The following DVL1 variants were observed in gnomAD, a reference collection of about 807,000 sequenced individuals.
DVL1 encodes segment polarity protein dishevelled homolog DVL-1.
DVL1 carries 49 observed loss-of-function variants against 65.0 expected under a neutral mutation model. That is an observed-to-expected ratio of 0.75 (90% CI 0.60 to 0.96). DVL1 has a LOEUF of 0.96. Among genes scored for constraint, DVL1 ranks in the 40% least tolerant of loss-of-function variants. The pLI, the probability that DVL1 is intolerant of heterozygous loss-of-function variation, is 0.00. For missense variants in DVL1, 1,197 were observed against 1,045.4 expected (o/e 1.15, Z -2.00); for synonymous variants, 608 against 433.9 (o/e 1.40, Z -4.99).
chr1:1,338,491 G>A, intron 12 of DVL1, 31 bp downstream of exon 12: 2 of 1,611,264 alleles, frequency 1.2e-6, no homozygotes, highest in Non-Finnish European at 1.7e-6. Flanking sequence ...CCTGCCCCTG[G>A]CACTATCCGC....
intron 14 of DVL1, chr1:1,336,890 C>G (rs773178645): frequency 2.7e-5 from 19 of 697,702 alleles, no homozygotes; most frequent in Non-Finnish European, 2.9e-5. Flanking sequence ...ACTGTCCCCC[C>G]GGCCCAGGAC....
rs960455362 is a variant in DVL1 at position 1,341,650 on chromosome 1, C to A, written c.605+17G>T. The stretch of plus-strand genomic sequence containing the variant: ...GTGGGCACACAGGCATACACGCCCA[C>A]AGACACTCCCACACACCTGCTCGTG... On this transcript the variant is annotated intron_variant, in intron 5 of 14. Transcript: ENST00000378888. The A allele has an allele frequency of 6.3e-7, 1 of 1,587,916 alleles. No individual in the cohort carries two copies. Among genetic ancestry groups the A allele is most frequent in the African/African-American group, 1.3e-5 (1 of 74,640 alleles).
chr1:1,340,909 A>G (rs1643784644), intron 5 of DVL1, among the ~76,000 whole-genome samples: 2 of 148,506 alleles, frequency 1.3e-5, no homozygotes, highest in African/African-American at 5.0e-5. Flanking sequence ...ACGCATGAAC[A>G]CACGCACACC....
At chr1:1,347,994 A>C (rs768388595) in intron 1 of DVL1, among the ~76,000 whole-genome samples, 5 of 152,150 alleles carry the variant, frequency 3.3e-5, no homozygotes, top group Non-Finnish European at 7.4e-5. Context: ...AAACAACCTT[A>C]ATGTCACAAT....
intron 5 of DVL1, among the ~76,000 whole-genome samples, chr1:1,340,916 C>T (rs1220232960): frequency 1.3e-5 from 2 of 150,590 alleles, no homozygotes; most frequent in Admixed American, 6.6e-5. Context: ...AACACACGCA[C>T]ACCTGCACAC....
chr1:1,340,510 A>C lies in DVL1; in HGVS notation c.606-7T>G. 1 of 1,595,476 alleles carries C rather than the reference A, an allele frequency of 6.3e-7. No homozygotes were observed. The highest frequency in any genetic ancestry group is 8.5e-7 in the Non-Finnish European group (1 of 1,171,148). The stretch of plus-strand genomic sequence containing the variant: ...CTCCGTGGAGCTGCTGAGCCTGGGA[A>C]CAGACTGTCAGAGCTCAGAGGAGCT... On this transcript the variant is annotated splice_region_variant and splice_polypyrimidine_tract_variant and intron_variant, in intron 5 of 14. Transcript: ENST00000378888.
In DVL1 at chr1:1,339,753, C is replaced by T. The variant is rs1643720448; in HGVS notation, c.969G>A (p.Glu323=). Residue 323 remains glutamate, a synonymous_variant, in exon 9 of 15, where the codon GAG becomes GAA. Transcript: ENST00000378888. ...GCCCTCACCCCGTCTGGGAAACGAT[C>T]TCCCGCAGCACCCGCACGGCATCGT... ...SNDDAVRVLR[E]IVSQTGPISL... The T allele has an allele frequency of 6.2e-7, 1 of 1,613,190 alleles. No homozygotes were observed. Among genetic ancestry groups the T allele is most frequent in the Non-Finnish European group, 8.5e-7 (1 of 1,179,916 alleles).
At chr1:1,338,969 C>T (rs1355313985) in intron 11 of DVL1, among the ~76,000 whole-genome samples, 1 of 152,216 alleles carries the variant, frequency 6.6e-6, no homozygotes, top group African/African-American at 2.4e-5. Flanking sequence ...CCGCATGCCC[C>T]ACCCGAGAGC....
chr1:1,338,229 T>TGGCCCCCCCCCCCCCCCCCCCCCCCCCC, intron 13 of DVL1, 40 bp downstream of exon 13: 1 of 1,522,364 alleles, frequency 6.6e-7, no homozygotes, highest in Non-Finnish European at 9.0e-7. Context: ...CCTCCGGCGT[T>TGGCCCCCCCCCCCCCCCCCCCCCCCCCC]CCCCTCCCCC....
intron 11 of DVL1, among the ~76,000 whole-genome samples, chr1:1,338,994 G>A (rs955763081): frequency 1.7e-4 from 26 of 152,176 alleles, no homozygotes; most frequent in African/African-American, 5.3e-4. Context: ...GCTGTTAGTC[G>A]TGTTAATGGC....
chr1:1,340,037 C>T lies in DVL1; in HGVS notation c.909+1G>A. 1 of 1,611,690 alleles carries T rather than the reference C, an allele frequency of 6.2e-7. No individual in the cohort carries two copies. The highest frequency in any genetic ancestry group is 8.5e-7 in the Non-Finnish European group (1 of 1,179,290). On this transcript the variant is annotated splice_donor_variant, in intron 8 of 14. Coordinates refer to ENST00000378888, the MANE Select transcript of DVL1 (RefSeq NM_001330311.2). LOFTEE classifies it high-confidence loss of function. Reference sequence around the variant, plus strand: ...TCACCCCGCAGCCCCCACAGACACACCTGCAGCAACATGTCGCCGGGCTCG... The same window carrying T: ...TCACCCCGCAGCCCCCACAGACACATCTGCAGCAACATGTCGCCGGGCTCG...
chr1:1,336,866 C>T (rs984401131), intron 14 of DVL1, among the ~76,000 whole-genome samples: 4 of 152,170 alleles, frequency 2.6e-5, no homozygotes. Context: ...CCTGGATTCC[C>T]CACCCAAGGC....
intron 2 of DVL1, 48 bp downstream of exon 2, chr1:1,342,641 T>G: frequency 6.2e-7 from 1 of 1,606,410 alleles, no homozygotes; most frequent in Non-Finnish European, 8.5e-7. Flanking sequence ...AGCCCCACCC[T>G]GGAATGCTCC....
In DVL1 at chr1:1,336,296, T is replaced by C. The variant is rs1032029104; in HGVS notation, c.1934A>G (p.His645Arg). Residue 645 changes from histidine to arginine, a missense_variant, in exon 15 of 15, where the codon CAC (histidine) becomes CGC (arginine). By Grantham distance (29) the His-to-Arg change is conservative (BLOSUM62 0). Transcript: ENST00000378888. ...CACTGTATAGGCCTTGGTCGTGGGG[T>C]GGGGCGGGGGGAGCCCCGGGGCGGT... is the stretch of plus-strand genomic sequence containing the variant. ...SATAPGLPPP[H>R]PTTKAYTVVG... 1 of 1,557,560 alleles carries C rather than the reference T, an allele frequency of 6.4e-7. No individual in the cohort carries two copies. Among genetic ancestry groups the C allele is most frequent in the Non-Finnish European group, 8.6e-7 (1 of 1,158,536 alleles).
chr1:1,342,677 A>G lies in DVL1; in HGVS notation c.240+12T>C. ...CCAGGCGAGCCTTCGGGGCCAAGAC[A>G]CAGGGGCTCACCCAGGAGACCACGC... On this transcript the variant is annotated intron_variant, in intron 2 of 14. Transcript: ENST00000378888. 1 of 1,612,580 alleles carries G rather than the reference A, an allele frequency of 6.2e-7. No individual in the cohort carries two copies.
intron 1 of DVL1, among the ~76,000 whole-genome samples, chr1:1,347,860 G>A (rs1226727530): frequency 6.6e-6 from 1 of 152,224 alleles, no homozygotes; most frequent in Non-Finnish European, 1.5e-5. Flanking sequence ...TTGCCTGGTC[G>A]TGGGGGTGGG....
Position 1,336,534 on chromosome 1 carries a change from T to C in DVL1, c.1715-19A>G, listed in dbSNP as rs757905037. 119 of 1,493,076 alleles carry C rather than the reference T, an allele frequency of 8.0e-5. No homozygotes were observed. Among genetic ancestry groups the C allele is most frequent in the Non-Finnish European group, 9.9e-5 (112 of 1,131,410 alleles). 92.5% of individuals were successfully genotyped at this position (1,493,076 alleles called of 1,614,324 possible). ...TTGCTCCCTGGGAGTGAGAACAGGA[T>C]GGGGAAGGAGCCTGTCAGCACCAGG... On this transcript the variant is annotated intron_variant, in intron 14 of 14. Coordinates refer to ENST00000378888, the MANE Select transcript of DVL1 (RefSeq NM_001330311.2).
chr1:1,337,137 G>A, intron 14 of DVL1: 14 of 983,796 alleles, frequency 1.4e-5, no homozygotes, highest in Non-Finnish European at 1.7e-5. Context: ...CGCCACCAGT[G>A]GGGACTGACC....
chr1:1,338,812 G>A (rs529070925), intron 11 of DVL1, 159 bp from the exon 12 acceptor site: 101 of 762,272 alleles, frequency 1.3e-4, no homozygotes, highest in African/African-American at 1.7e-4. Flanking sequence ...ATGCACCCCC[G>A]TGAGGCTGGG....
Sources: gnomAD v4.1 joint callset for allele counts (sites outside exome capture counted in the v4.1 genomes callset) on GRCh38, gnomAD v4.1.1 for gene constraint, MANE v1.5 for transcripts, NCBI Gene and HGNC (gene_info 2026-07-23, HGNC 2026-07-21) for gene names.